RBFOX1: variants seen among roughly 807,000 people sequenced by gnomAD.
RBFOX1 encodes RNA binding fox-1 homolog 1.
RBFOX1 carries 8 observed loss-of-function variants against 57.7 expected under a neutral mutation model. The ratio of observed to expected loss-of-function variants is 0.14; its 90% CI spans 0.08 to 0.25. RBFOX1 has a LOEUF of 0.25. Ranked by LOEUF, RBFOX1 falls within the 10% of genes least tolerant of loss-of-function variation. RBFOX1 has a pLI of 1.00. For missense variants in RBFOX1, 611 were observed against 548.5 expected, an observed-to-expected ratio of 1.11 and a Z score of -1.14; for synonymous variants, 326 against 222.4, an observed-to-expected ratio of 1.47 and a Z score of -4.15.
chr16:6,142,186 CTGCAAAAAAA>C (rs1334611895), intron 1 of RBFOX1, among the ~76,000 whole-genome samples: 2 of 55,410 alleles, frequency 3.6e-5, no homozygotes, highest in African/African-American at 8.1e-5. Flanking sequence ...GTTGCTGCTG[CTGCAAAAAAA>C]AAAAAAAAAA....
intron 2 of RBFOX1, among the ~76,000 whole-genome samples, chr16:6,529,542 G>C (rs1272289306): frequency 1.3e-5 from 2 of 150,744 alleles, no homozygotes; most frequent in African/African-American, 2.4e-5. Context: ...CTGGGTGACA[G>C]AGACTCCATC....
At chr16:7,336,160 C>T (rs1268544339) in intron 4 of RBFOX1, among the ~76,000 whole-genome samples, 3 of 152,160 alleles carry the variant, frequency 2.0e-5, no homozygotes, top group African/African-American at 7.2e-5. Context: ...GTCACTTGCC[C>T]AAGTCAGCCT....
intron 3 of RBFOX1, among the ~76,000 whole-genome samples, chr16:5,730,498 G>T (rs2052325931): frequency 6.6e-6 from 1 of 152,098 alleles, no homozygotes; most frequent in African/African-American, 2.4e-5. Context: ...TCCAAGATTT[G>T]ACCAACTAGC....
At chr16:6,495,197 C>A (rs1598215902) in intron 2 of RBFOX1, among the ~76,000 whole-genome samples, 3 of 152,256 alleles carry the variant, frequency 2.0e-5, no homozygotes, top group Admixed American at 2.0e-4. Context: ...CGGCTCATTG[C>A]AACTTCTGCC....
chr16:5,395,484 C>G (rs759532987), intron 1 of RBFOX1, among the ~76,000 whole-genome samples: 1 of 152,172 alleles, frequency 6.6e-6, no homozygotes, highest in Non-Finnish European at 1.5e-5. Flanking sequence ...TCCAGGTCCT[C>G]CACTGTGGCT....
At chr16:7,441,181 T>C (rs1169923190) in intron 4 of RBFOX1, among the ~76,000 whole-genome samples, 1 of 152,124 alleles carries the variant, frequency 6.6e-6, no homozygotes, top group Non-Finnish European at 1.5e-5. Context: ...CCCAGGAAAC[T>C]CAGGAAATTA....
intron 4 of RBFOX1, among the ~76,000 whole-genome samples, chr16:7,458,501 A>G (rs531308972): frequency 6.6e-6 from 1 of 152,074 alleles, no homozygotes; most frequent in South Asian, 2.1e-4. Context: ...TTAAAATTTT[A>G]TTTTACTGTT....
intron 4 of RBFOX1, among the ~76,000 whole-genome samples, chr16:6,002,165 C>G (rs1351452891): frequency 6.6e-6 from 1 of 152,036 alleles, no homozygotes; most frequent in Non-Finnish European, 1.5e-5. Flanking sequence ...TTTATAGAGA[C>G]TAGGTCTTGA....
intron 4 of RBFOX1, among the ~76,000 whole-genome samples, chr16:7,236,823 T>C: frequency 6.6e-6 from 1 of 152,178 alleles, no homozygotes; most frequent in East Asian, 1.9e-4. Flanking sequence ...TCAACATATC[T>C]TGTCCTCAGC....
intron 5 of RBFOX1, among the ~76,000 whole-genome samples, chr16:7,570,464 T>A (rs139426696): frequency 6.6e-6 from 1 of 152,196 alleles, no homozygotes; most frequent in African/African-American, 2.4e-5. Flanking sequence ...CACATTTTAC[T>A]CAACCGAAAC....
intron 7 of RBFOX1, among the ~76,000 whole-genome samples, chr16:7,593,429 A>C (rs1297560758): frequency 1.3e-5 from 2 of 152,270 alleles, no homozygotes; most frequent in East Asian, 1.9e-4. Context: ...GTGTATTTGC[A>C]TACCCAATAT....
intron 3 of RBFOX1, among the ~76,000 whole-genome samples, chr16:5,833,083 G>A (rs78275521): frequency 9.1e-4 from 138 of 152,222 alleles, no homozygotes; most frequent in African/African-American, 3.3e-3. Flanking sequence ...GTACAGTACA[G>A]GACAATGCAA....
chr16:6,780,487 T>TA (rs1242975313), intron 3 of RBFOX1, among the ~76,000 whole-genome samples: 4,343 of 102,744 alleles, frequency 0.042, 284 homozygotes, highest in East Asian at 0.26. Context: ...TTTATATATA[T>TA]TTATATACAT....
chr16:7,205,592 C>T (rs1488362062), intron 4 of RBFOX1, among the ~76,000 whole-genome samples: 7 of 152,010 alleles, frequency 4.6e-5, no homozygotes, highest in African/African-American at 1.7e-4. Flanking sequence ...TGTTCCTATC[C>T]ACCCTGTTTT....
chr16:6,628,802 T>A (rs1210629854), intron 2 of RBFOX1, among the ~76,000 whole-genome samples: 1 of 152,196 alleles, frequency 6.6e-6, no homozygotes, highest in African/African-American at 2.4e-5. Context: ...AGTTTAGGTA[T>A]GATCTGTATG....
chr16:6,644,410 G>T (rs1177808357), intron 2 of RBFOX1, among the ~76,000 whole-genome samples: 1 of 152,184 alleles, frequency 6.6e-6, no homozygotes, highest in Non-Finnish European at 1.5e-5. Context: ...TTTATTTGCT[G>T]TTTAAGAAGG....
chr16:5,421,994 A>T (rs942068169), intron 1 of RBFOX1, among the ~76,000 whole-genome samples: 2 of 152,210 alleles, frequency 1.3e-5, no homozygotes, highest in African/African-American at 4.8e-5. Context: ...AAGGGTGTCT[A>T]TACACTTGCT....
At chr16:6,995,839 C>T (rs1442819970) in intron 3 of RBFOX1, among the ~76,000 whole-genome samples, 1 of 152,136 alleles carries the variant, frequency 6.6e-6, no homozygotes, top group Non-Finnish European at 1.5e-5. Context: ...GAGATTGGTT[C>T]AGATTTTATA....
At chr16:7,390,098 C>T (rs1597230272) in intron 4 of RBFOX1, among the ~76,000 whole-genome samples, 1 of 152,088 alleles carries the variant, frequency 6.6e-6, no homozygotes, top group African/African-American at 2.4e-5. Flanking sequence ...GACAGAAAAA[C>T]AGAGCGAGAA....
Sources: gnomAD v4.1 joint callset for allele counts (sites outside exome capture counted in the v4.1 genomes callset) on GRCh38, gnomAD v4.1.1 for gene constraint, MANE v1.5 for transcripts, NCBI Gene and HGNC (gene_info 2026-07-23, HGNC 2026-07-21) for gene names.